The following NMU variants were observed in gnomAD, a reference collection of about 807,000 sequenced individuals.
NMU encodes neuromedin-U.
In NMU, 29 loss-of-function variants were observed where a neutral mutation model predicts 35.4. The observed-to-expected ratio is 0.82, with a 90% CI of 0.61 to 1.12. The LOEUF (loss-of-function observed/expected upper bound fraction) is 1.12. Among genes scored for constraint, NMU ranks in the 50% most tolerant of loss-of-function variants. The pLI, the probability that NMU is intolerant of heterozygous loss-of-function variation, is 0.00. For missense variants in NMU, 199 were observed against 206.2 expected (o/e 0.97, Z 0.21); for synonymous variants, 78 against 81.3 (o/e 0.96, Z 0.22).
At chr4:55,628,306 C>CT (rs1390745910) in intron 2 of NMU, among the ~76,000 whole-genome samples, 3 of 152,028 alleles carry the variant, frequency 2.0e-5, no homozygotes, top group African/African-American at 7.2e-5. Context: ...TATTTTAAAA[C>CT]TTTTTTTATA....
chr4:55,631,126 A>G (rs537123350), intron 1 of NMU, among the ~76,000 whole-genome samples: 15 of 152,206 alleles, frequency 9.9e-5, no homozygotes, highest in Admixed American at 9.8e-4. Flanking sequence ...GACAAGCCAC[A>G]TACAGAAGAA....
chr4:55,628,951 G>C (rs987364665), intron 2 of NMU, among the ~76,000 whole-genome samples: 2 of 151,866 alleles, frequency 1.3e-5, no homozygotes, highest in Non-Finnish European at 2.9e-5. Context: ...TTTAGCTATA[G>C]CTTATACATT....
rs1715926302 is a variant in NMU at position 55,636,281 on chromosome 4, G to C, written c.-89C>G. On this transcript the variant is annotated 5_prime_UTR_variant, in exon 1 of 10. Transcript: ENST00000264218. This position sits in a 1 kb window ranked among gnomAD's most constrained non-coding sequence, Gnocchi z 4.0. ...CACCTGGTGCCCTGGCTGTGCCTCGGGGCCCGGACACAGGACTGAGCGCCC... is the reference window on the plus strand; with the variant it reads ...CACCTGGTGCCCTGGCTGTGCCTCGCGGCCCGGACACAGGACTGAGCGCCC... The C allele has an allele frequency of 1.4e-6, 2 of 1,398,428 alleles. No homozygotes were observed. The highest frequency in any genetic ancestry group is 3.4e-5 in the Admixed American group (1 of 29,692). The allele number at this position is 1,398,428 out of a possible 1,614,324, so 86.6% of individuals were successfully genotyped here. A position where few individuals can be genotyped will look rare whatever the true frequency, so the allele number is the denominator to read the frequency against.
chr4:55,618,608 CTTT>C (rs1734205373), intron 2 of NMU, among the ~76,000 whole-genome samples: 1 of 151,352 alleles, frequency 6.6e-6, no homozygotes, highest in African/African-American at 2.4e-5. Context: ...TCTTCTCCTT[CTTT>C]TCTCTCTCCT....
chr4:55,599,023 A>T (rs1733316565), intron 9 of NMU, 119 bp downstream of exon 9: 2 of 681,890 alleles, frequency 2.9e-6, no homozygotes, highest in African/African-American at 1.8e-5. Context: ...AATAATAGAA[A>T]TACATTTAAC....
At position 55,636,106 on chromosome 4, in the gene NMU, G is replaced by GAGC. The variant is rs3838644; in HGVS notation, c.84_86dup (p.Leu29dup). 473 of 1,514,502 alleles carry GAGC rather than the reference G, an allele frequency of 3.1e-4. 2 individuals carry two copies. In the East Asian group the frequency reaches 4.7e-3, roughly 15 times the overall value. 93.8% of individuals were successfully genotyped at this position (1,514,502 alleles called of 1,614,324 possible). A position where few individuals can be genotyped will look rare whatever the true frequency, so the allele number is the denominator to read the frequency against. ...CTCGGCAGGCGCCCGCGCACCAGGC[G>GAGC]AGCAGCAGCAGCAGCAGCAGGAGCG... On this transcript the variant is annotated inframe_insertion, in exon 1 of 10. Transcript: ENST00000264218. This position sits in a 1 kb window ranked among gnomAD's most constrained non-coding sequence, Gnocchi z 4.0.
chr4:55,609,300 T>G (rs1187825755), intron 3 of NMU, 121 bp from the exon 4 acceptor site: 2 of 753,890 alleles, frequency 2.7e-6, no homozygotes, highest in Admixed American at 2.2e-5. Context: ...AGAATCCTTC[T>G]GTAGATTATT....
At chr4:55,595,701 C>T (rs543790679) in intron 9 of NMU, among the ~76,000 whole-genome samples, 20 of 144,374 alleles carry the variant, frequency 1.4e-4, no homozygotes, top group African/African-American at 4.4e-4. Flanking sequence ...AGTGCAGTGG[C>T]GCGATCTTGG....
intron 1 of NMU, among the ~76,000 whole-genome samples, chr4:55,632,449 A>G (rs554371588): frequency 6.6e-6 from 1 of 152,302 alleles, no homozygotes; most frequent in South Asian, 2.1e-4. Flanking sequence ...GCAGTCCATA[A>G]AAGAGTTGGT....
At chr4:55,596,699 G>A (rs1174653246) in intron 9 of NMU, among the ~76,000 whole-genome samples, 1 of 152,026 alleles carries the variant, frequency 6.6e-6, no homozygotes, top group Non-Finnish European at 1.5e-5. Flanking sequence ...TCCTAATTAT[G>A]TCCCATGAGC....
At chr4:55,625,000 A>G (rs2110208011) in intron 2 of NMU, among the ~76,000 whole-genome samples, 1 of 85,252 alleles carries the variant, frequency 1.2e-5, no homozygotes, top group African/African-American at 4.1e-5. Flanking sequence ...GGGGAATATC[A>G]CACTCTGGGG....
At chr4:55,628,824 A>C (rs1734645235) in intron 2 of NMU, among the ~76,000 whole-genome samples, 1 of 151,348 alleles carries the variant, frequency 6.6e-6, no homozygotes, top group Admixed American at 6.6e-5. Context: ...GTTTTTTTTT[A>C]ATTTTCCCTG....
chr4:55,616,438 G>A (rs1220914278), intron 2 of NMU, 53 bp from the exon 3 acceptor site: 1 of 1,352,274 alleles, frequency 7.4e-7, no homozygotes, highest in African/African-American at 1.4e-5. Flanking sequence ...GAAAATAACA[G>A]AAAGTAGATT....
rs747469713 is a variant in NMU at position 55,636,040 on chromosome 4, C to A, written c.112+41G>T. ...AGCGGTGAGTGGAGCCAGAGAGAGG[C>A]GCGCATGGCGTGGAAGCGGCCGGGT... is the stretch of plus-strand genomic sequence containing the variant. On this transcript the variant is annotated intron_variant, in intron 1 of 9. Coordinates refer to ENST00000264218, the MANE Select transcript of NMU (RefSeq NM_006681.4). This position sits in a 1 kb window ranked among gnomAD's most constrained non-coding sequence, Gnocchi z 4.0. 6.5e-7 allele frequency: 1 copy of A among 1,532,516 alleles called. No homozygotes were observed. Among genetic ancestry groups the A allele is most frequent in the Non-Finnish European group, 8.7e-7 (1 of 1,146,030 alleles). 94.9% of individuals were successfully genotyped at this position (1,532,516 alleles called of 1,614,324 possible). A position where few individuals can be genotyped will look rare whatever the true frequency, so the allele number is the denominator to read the frequency against.
intron 2 of NMU, among the ~76,000 whole-genome samples, 184 bp downstream of exon 2, chr4:55,630,218 C>A (rs1734702577): frequency 6.6e-6 from 1 of 152,068 alleles, no homozygotes; most frequent in Non-Finnish European, 1.5e-5. Flanking sequence ...TTTCTGCTCT[C>A]TTATTTACAA....
In NMU at chr4:55,630,473, T is replaced by C. The variant is rs754638227; in HGVS notation, c.113-13A>G. 6.3e-7 allele frequency: 1 copy of C among 1,599,768 alleles called. No homozygotes were observed. Among genetic ancestry groups the C allele is most frequent in the Non-Finnish European group, 8.6e-7 (1 of 1,167,442 alleles). On this transcript the variant is annotated splice_polypyrimidine_tract_variant and intron_variant, in intron 1 of 9. Transcript: ENST00000264218. Reference sequence around the variant, plus strand: ...AATATTGGAGCACCTAAAAATAAAGTTGTAGCCACAGATTAATTTTATAGC... The same window carrying C: ...AATATTGGAGCACCTAAAAATAAAGCTGTAGCCACAGATTAATTTTATAGC...
intron 3 of NMU, among the ~76,000 whole-genome samples, chr4:55,613,982 T>A (rs1335975308): frequency 6.6e-6 from 1 of 152,214 alleles, no homozygotes; most frequent in African/African-American, 2.4e-5. Context: ...TTATTAATAT[T>A]ACTTATTCTT....
chr4:55,618,277 A>G (rs1427225576), intron 2 of NMU, among the ~76,000 whole-genome samples: 2 of 152,170 alleles, frequency 1.3e-5, no homozygotes, highest in East Asian at 3.8e-4. Context: ...AGGTATACAC[A>G]TGCCATGGTG....
chr4:55,608,889 A>T (rs1014017312), intron 4 of NMU, among the ~76,000 whole-genome samples: 2 of 152,172 alleles, frequency 1.3e-5, no homozygotes, highest in Non-Finnish European at 2.9e-5. Context: ...AACTCATTTT[A>T]TATTTGATGG....
Sources: gnomAD v4.1 joint callset for allele counts (sites outside exome capture counted in the v4.1 genomes callset) on GRCh38, gnomAD v4.1.1 for gene constraint, Gnocchi (gnomAD v3.1) non-coding constraint, MANE v1.5 for transcripts, NCBI Gene and HGNC (gene_info 2026-07-23, HGNC 2026-07-21) for gene names.